The following RASSF8 variants were observed in gnomAD, a reference collection of about 807,000 sequenced individuals.
RASSF8 encodes the protein Ras association domain family member 8.
Under a neutral mutation model 48.5 loss-of-function variants are expected in RASSF8, and 22 were observed. The observed-to-expected ratio is 0.45, with a 90% CI of 0.32 to 0.65. The LOEUF is 0.65. Among genes scored for constraint, RASSF8 ranks in the 30% least tolerant of loss-of-function variants. The pLI is 0.03. For synonymous variants in RASSF8, 127 were observed against 171.5 expected (o/e 0.74, Z 2.03); for missense variants, 418 against 489.2 (o/e 0.85, Z 1.37).
intron 1 of RASSF8, among the ~76,000 whole-genome samples, chr12:25,977,671 C>CAAAA (rs111553798): frequency 7.1e-6 from 1 of 140,262 alleles, no homozygotes; most frequent in South Asian, 2.2e-4. Context: ...ATTTGTAAGG[C>CAAAA]AAAAAAAAAA....
chr12:26,059,123 T>C (rs1468581562), intron 3 of RASSF8, among the ~76,000 whole-genome samples: 1 of 152,246 alleles, frequency 6.6e-6, no homozygotes, highest in Non-Finnish European at 1.5e-5. Context: ...CAAGTTATAA[T>C]GGAGAAAATG....
intron 2 of RASSF8, among the ~76,000 whole-genome samples, chr12:26,004,865 T>G (rs1942348491): frequency 6.6e-6 from 1 of 151,958 alleles, no homozygotes; most frequent in Non-Finnish European, 1.5e-5. Context: ...ATACAATAAG[T>G]GAAAGGTATA....
intron 2 of RASSF8, among the ~76,000 whole-genome samples, chr12:26,005,164 G>GGTGTGTGTGTGT (rs34419551): frequency 2.7e-5 from 4 of 149,894 alleles, no homozygotes; most frequent in Non-Finnish European, 4.4e-5. Flanking sequence ...TTACGGATGG[G>GGTGTGTGTGTGT]GTGTGTGTGT....
At chr12:26,031,605 T>C (rs556097505) in intron 2 of RASSF8, among the ~76,000 whole-genome samples, 7 of 152,044 alleles carry the variant, frequency 4.6e-5, no homozygotes, top group Non-Finnish European at 1.0e-4. Context: ...ATGATAAAGG[T>C]TTGGAACTAT....
chr12:25,986,926 T>TTTTTTTTTG (rs1555160453), intron 1 of RASSF8, among the ~76,000 whole-genome samples: 1 of 146,612 alleles, frequency 6.8e-6, no homozygotes. Flanking sequence ...CGTTTTTTTT[T>TTTTTTTTTG]TTTGTTTGTT....
chr12:25,958,537 C>G (rs1278184683), upstream of RASSF8: 2 of 150,006 alleles, frequency 1.3e-5, no homozygotes, highest in African/African-American at 2.4e-5. Context: ...GGAGGAGCGG[C>G]GGCTGAAACC....
At chr12:26,040,434 T>C (rs565982514) in intron 2 of RASSF8, among the ~76,000 whole-genome samples, 1 of 152,294 alleles carries the variant, frequency 6.6e-6, no homozygotes, top group East Asian at 1.9e-4. Flanking sequence ...TGAAGTGGCA[T>C]CTTACCCGGA....
chr12:25,976,651 C>T (rs1453346063), intron 1 of RASSF8, among the ~76,000 whole-genome samples: 1 of 152,168 alleles, frequency 6.6e-6, no homozygotes, highest in Non-Finnish European at 1.5e-5. Flanking sequence ...GGTCTGCTCC[C>T]ACACTGTGGA....
chr12:26,074,511 T>TTA (rs1555172046), downstream of RASSF8, among the ~76,000 whole-genome samples: 2 of 126,254 alleles, frequency 1.6e-5, no homozygotes, highest in Non-Finnish European at 3.1e-5. Flanking sequence ...CCCAGCCAAA[T>TTA]TTTTTTTTTT....
At chr12:25,980,937 T>C (rs948004508) in intron 1 of RASSF8, among the ~76,000 whole-genome samples, 2 of 152,208 alleles carry the variant, frequency 1.3e-5, no homozygotes. Context: ...TAGCATATTA[T>C]CCTGAAACTA....
chr12:25,992,856 T>C (rs960975553), intron 1 of RASSF8, among the ~76,000 whole-genome samples: 14 of 152,254 alleles, frequency 9.2e-5, no homozygotes, highest in African/African-American at 3.1e-4. Context: ...TTTGTATTTA[T>C]GGTTAGGAAC....
chr12:26,069,879 A>T lies in RASSF8; in HGVS notation c.*1061A>T. On this transcript the variant is annotated 3_prime_UTR_variant, in exon 6 of 6. Transcript: ENST00000689635. ...GTCACTTAGATGGAAAGGAGGTTAA[A>T]CCTAGGTACTTTTTAGCAAGGATAT... 1 of 983,878 alleles carries T rather than the reference A, an allele frequency of 1.0e-6. No homozygotes were observed. The highest frequency in any genetic ancestry group is 1.2e-6 in the Non-Finnish European group (1 of 828,532). 60.9% of individuals were successfully genotyped at this position (983,878 alleles called of 1,614,324 possible).
rs148923176 is a variant in RASSF8, at chr12:26,039,308, G to C, written c.-108-15928G>C. On this transcript the variant is annotated intron_variant, in intron 2 of 5. Coordinates refer to ENST00000689635, the MANE Select transcript of RASSF8 (RefSeq NM_001394098.1). ...CTGCTCATAGTTCCCTTGTGAGACTGGGGGGGATAATAGCAGGTCCAGGTG... is the reference window on the plus strand; with the variant it reads ...CTGCTCATAGTTCCCTTGTGAGACTCGGGGGGATAATAGCAGGTCCAGGTG... Among the ~76,000 whole-genome samples, 969 of 152,052 alleles carry C rather than the reference G, an allele frequency of 6.4e-3. 11 individuals are homozygous for C. The highest frequency in any genetic ancestry group is 0.022 in the African/African-American group (921 of 41,504).
At chr12:25,971,411 T>TA (rs1437994461) in intron 1 of RASSF8, among the ~76,000 whole-genome samples, 3 of 152,178 alleles carry the variant, frequency 2.0e-5, no homozygotes, top group African/African-American at 7.2e-5. Context: ...CCTCCTGAAC[T>TA]AACATTGGGC....
At position 26,023,057 on chromosome 12, in the gene RASSF8, A is replaced by G. The variant is rs115765057; in HGVS notation, c.-109+27927A>G. 3.1e-3 allele frequency among the ~76,000 whole-genome samples: 475 copies of G among 152,212 alleles called. 5 individuals carry two copies. The highest frequency in any genetic ancestry group is 0.011 in the African/African-American group (451 of 41,520). On this transcript the variant is annotated intron_variant, in intron 2 of 5. Coordinates refer to ENST00000689635, the MANE Select transcript of RASSF8 (RefSeq NM_001394098.1). ...CACCATGCCTGGCCAGTAGATTTCAACTGGTAGAAGAAATAACTAATGAGC... is the reference window on the plus strand; with the variant it reads ...CACCATGCCTGGCCAGTAGATTTCAGCTGGTAGAAGAAATAACTAATGAGC...
intron 1 of RASSF8, among the ~76,000 whole-genome samples, chr12:25,979,361 C>A (rs1376996844): frequency 6.6e-6 from 1 of 152,010 alleles, no homozygotes; most frequent in Non-Finnish European, 1.5e-5. Flanking sequence ...AAGAGTTGGC[C>A]AGCAGTATCA....
At chr12:26,049,000 C>T (rs1311697539) in intron 2 of RASSF8, among the ~76,000 whole-genome samples, 1 of 152,114 alleles carries the variant, frequency 6.6e-6, no homozygotes, top group Non-Finnish European at 1.5e-5. Context: ...TCAGGTGATC[C>T]GCCTACCTTG....
intron 2 of RASSF8, among the ~76,000 whole-genome samples, chr12:26,054,182 A>G (rs1208478673): frequency 6.6e-6 from 1 of 152,226 alleles, no homozygotes; most frequent in Non-Finnish European, 1.5e-5. Context: ...AAAACAATGG[A>G]CAAACAAAAA....
intron 2 of RASSF8, among the ~76,000 whole-genome samples, chr12:26,049,661 G>A (rs558035154): frequency 6.6e-5 from 10 of 152,308 alleles, no homozygotes; most frequent in Non-Finnish European, 1.0e-4. Flanking sequence ...TCTGGAGCTG[G>A]GCTTTTAATA....
Sources: allele counts gnomAD v4.1 joint callset (sites outside exome capture counted in the v4.1 genomes callset), GRCh38; gene constraint gnomAD v4.1.1; transcripts MANE v1.5; gene names NCBI Gene and HGNC (gene_info 2026-07-23, HGNC 2026-07-21).